RNGTT: variants seen among roughly 807,000 people sequenced by gnomAD.
The protein encoded by RNGTT is RNA guanylyltransferase and 5'-phosphatase.
A neutral mutation model predicts 79.3 loss-of-function variants in RNGTT; 33 were observed. The observed-to-expected ratio is 0.42, with a 90% confidence interval of 0.32 to 0.56. RNGTT has a LOEUF of 0.56. RNGTT is among the 20% of genes least tolerant of loss of function. RNGTT has a pLI of 0.17. For synonymous variants in RNGTT, 222 were observed against 235.9 expected (o/e 0.94, Z 0.54); for missense variants, 497 against 739.1 (o/e 0.67, Z 3.80).
At chr6:88,697,748 G>A (rs1775728737) in intron 13 of RNGTT, among the ~76,000 whole-genome samples, 1 of 150,158 alleles carries the variant, frequency 6.7e-6, no homozygotes, top group African/African-American at 2.5e-5. Context: ...GTGCATGCCT[G>A]TGGTCTCAGC....
intron 8 of RNGTT, among the ~76,000 whole-genome samples, chr6:88,859,162 A>T (rs1781931283): frequency 6.6e-6 from 1 of 151,716 alleles, no homozygotes; most frequent in African/African-American, 2.4e-5. Context: ...CAGTCTGAAA[A>T]TCTGTTTAAT....
chr6:88,679,715 A>C (rs1775016543), intron 13 of RNGTT, among the ~76,000 whole-genome samples: 1 of 152,176 alleles, frequency 6.6e-6, no homozygotes, highest in Admixed American at 6.5e-5. Context: ...GTGCTTGTGG[A>C]GTATGTAAGG....
chr6:88,857,161 T>G (rs964193413), intron 8 of RNGTT, among the ~76,000 whole-genome samples: 2 of 152,028 alleles, frequency 1.3e-5, no homozygotes, highest in Non-Finnish European at 2.9e-5. Flanking sequence ...AGATATATAA[T>G]TAAGTAAAAC....
intron 13 of RNGTT, among the ~76,000 whole-genome samples, chr6:88,681,932 C>T (rs1482686639): frequency 1.3e-5 from 2 of 152,174 alleles, no homozygotes; most frequent in Non-Finnish European, 2.9e-5. Context: ...CAATTTATCA[C>T]AGCTTTAGAA....
At chr6:88,669,858 T>G (rs1774562961) in intron 14 of RNGTT, among the ~76,000 whole-genome samples, 1 of 152,092 alleles carries the variant, frequency 6.6e-6, no homozygotes. Context: ...AGATGATGAG[T>G]GGTCCCGTGA....
At chr6:88,888,014 G>A (rs987337246) in intron 8 of RNGTT, among the ~76,000 whole-genome samples, 1 of 152,142 alleles carries the variant, frequency 6.6e-6, no homozygotes, top group African/African-American at 2.4e-5. Flanking sequence ...CGACTCTGGA[G>A]GCTGAGGTGG....
At chr6:88,613,264 CAGAA>C (rs1296463386) in intron 15 of RNGTT, among the ~76,000 whole-genome samples, 1 of 152,212 alleles carries the variant, frequency 6.6e-6, no homozygotes, top group Non-Finnish European at 1.5e-5. Context: ...ATCTTTCTCT[CAGAA>C]AGAAGTCTAC....
At chr6:88,819,775 AATT>A (rs1376291885) in intron 11 of RNGTT, among the ~76,000 whole-genome samples, 1 of 152,132 alleles carries the variant, frequency 6.6e-6, no homozygotes, top group Non-Finnish European at 1.5e-5. Flanking sequence ...ACAGCTGCTA[AATT>A]ATTATTTAAA....
At chr6:88,886,167 G>A (rs1345405293) in intron 8 of RNGTT, among the ~76,000 whole-genome samples, 2 of 152,172 alleles carry the variant, frequency 1.3e-5, no homozygotes, top group Non-Finnish European at 2.9e-5. Context: ...TTAGCCTGGC[G>A]AGGTGGTGGG....
chr6:88,951,421 A>G lies in RNGTT; in HGVS notation c.65-10241T>C, dbSNP rs370689667. Among the ~76,000 whole-genome samples the G allele has an allele frequency of 7.2e-5, 11 of 152,192 alleles. No individual in the cohort carries two copies. In the East Asian group the frequency reaches 1.2e-3, roughly 16 times the overall value. Reference sequence around the variant, plus strand: ...GAAGAAAGTTCTACCATGGCTAAAGAAAGTTCTACCATGGCTAAAATGCTA... The same window carrying G: ...GAAGAAAGTTCTACCATGGCTAAAGGAAGTTCTACCATGGCTAAAATGCTA... On this transcript the variant is annotated intron_variant, in intron 1 of 15. Coordinates refer to ENST00000369485, the MANE Select transcript of RNGTT (RefSeq NM_003800.5).
chr6:88,661,897 A>G (rs1201941978), intron 14 of RNGTT, among the ~76,000 whole-genome samples: 1 of 152,248 alleles, frequency 6.6e-6, no homozygotes, highest in Admixed American at 6.5e-5. Flanking sequence ...TCTGATGAAC[A>G]CAGATGCAAA....
rs1782699143 is a variant in RNGTT, at chr6:88,881,716, T to C, written c.896+8779A>G. Among the ~76,000 whole-genome samples the C allele has an allele frequency of 1.3e-5, 2 of 152,180 alleles. 1 individual carries two copies. Among genetic ancestry groups the C allele is most frequent in the Admixed American group, 1.3e-4 (2 of 15,276 alleles). On this transcript the variant is annotated intron_variant, in intron 8 of 15. Coordinates refer to ENST00000369485, the MANE Select transcript of RNGTT (RefSeq NM_003800.5). The stretch of plus-strand genomic sequence containing the variant: ...TTCACTAACTCTTAATAATGTTCTC[T>C]TTGCTGTCTTGGAATCTCCCTCAGG...
At chr6:88,919,482 CA>C (rs1784097107) in intron 4 of RNGTT, among the ~76,000 whole-genome samples, 1 of 152,112 alleles carries the variant, frequency 6.6e-6, no homozygotes, top group African/African-American at 2.4e-5. Flanking sequence ...CTGATCTCAA[CA>C]TACACTATTT....
At chr6:88,725,730 G>C (rs1013666695) in intron 13 of RNGTT, among the ~76,000 whole-genome samples, 1 of 152,136 alleles carries the variant, frequency 6.6e-6, no homozygotes, top group Non-Finnish European at 1.5e-5. Flanking sequence ...ACAAACCTCC[G>C]GTAGTAAGAA....
At chr6:88,855,087 A>C (rs1209795254) in intron 8 of RNGTT, among the ~76,000 whole-genome samples, 2 of 152,188 alleles carry the variant, frequency 1.3e-5, no homozygotes, top group African/African-American at 2.4e-5. Flanking sequence ...GAATGGAAGA[A>C]GAGTGGTCTG....
At chr6:88,749,400 C>A (rs186509430) in intron 13 of RNGTT, among the ~76,000 whole-genome samples, 4 of 151,164 alleles carry the variant, frequency 2.6e-5, no homozygotes, top group Non-Finnish European at 4.4e-5. Context: ...GTTAGATGTG[C>A]GTGCTAAAAT....
chr6:88,752,179 C>G (rs1296732742), intron 13 of RNGTT, among the ~76,000 whole-genome samples: 1 of 151,492 alleles, frequency 6.6e-6, no homozygotes, highest in Non-Finnish European at 1.5e-5. Context: ...TAAATATCCT[C>G]TCATCATAAT....
intron 13 of RNGTT, among the ~76,000 whole-genome samples, chr6:88,751,822 G>T (rs1777850026): frequency 6.6e-6 from 1 of 151,908 alleles, no homozygotes; most frequent in Non-Finnish European, 1.5e-5. Flanking sequence ...TTTAAACAGA[G>T]GTCATAGATA....
chr6:88,884,327 T>A (rs747820919), intron 8 of RNGTT, among the ~76,000 whole-genome samples: 4 of 152,148 alleles, frequency 2.6e-5, no homozygotes, highest in Non-Finnish European at 4.4e-5. Flanking sequence ...AGAATGAGAA[T>A]ATCTGAAGTG....
Sources: gnomAD v4.1 joint callset for allele counts (sites outside exome capture counted in the v4.1 genomes callset) on GRCh38, gnomAD v4.1.1 for gene constraint, MANE v1.5 for transcripts, NCBI Gene and HGNC (gene_info 2026-07-23, HGNC 2026-07-21) for gene names.